The following CBLL1 variants were observed in gnomAD, a reference collection of about 807,000 sequenced individuals.
The protein encoded by CBLL1 is Cbl proto-oncogene like 1, also known as E3 ubiquitin-protein ligase Hakai.
Under a neutral mutation model 44.9 loss-of-function variants are expected in CBLL1, and 4 were observed. That is an observed-to-expected ratio of 0.09 (90% confidence interval 0.04 to 0.20). The LOEUF (loss-of-function observed/expected upper bound fraction) is 0.20. CBLL1 is among the 10% of genes least tolerant of loss of function. The pLI, the probability that CBLL1 is intolerant of heterozygous loss-of-function variation, is 1.00. For missense variants in CBLL1, 569 were observed against 636.7 expected (o/e 0.89, Z 1.14); for synonymous variants, 235 against 202.2 (o/e 1.16, Z -1.38).
In CBLL1 at chr7:107,755,499, A is replaced by G; in HGVS notation, c.440+8A>G. 1 of 1,479,222 alleles carries G rather than the reference A, an allele frequency of 6.8e-7. No homozygotes were observed. Among genetic ancestry groups the G allele is most frequent in the African/African-American group, 1.4e-5 (1 of 70,432 alleles). The allele number at this position is 1,479,222 out of a possible 1,614,324, so 91.6% of individuals were successfully genotyped here. Reference sequence around the variant, plus strand: ...AGATAAGATGTGTCCAGGGTAAGATAAGATTATCATTACCTTTTTTAAATA... The same window carrying G: ...AGATAAGATGTGTCCAGGGTAAGATGAGATTATCATTACCTTTTTTAAATA... On this transcript the variant is annotated splice_region_variant and intron_variant, in intron 5 of 5. Transcript: ENST00000440859.
At chr7:107,756,888 GAAGAA>G (rs1793550608) in intron 5 of CBLL1, among the ~76,000 whole-genome samples, 1 of 152,198 alleles carries the variant, frequency 6.6e-6, no homozygotes, top group Non-Finnish European at 1.5e-5. Flanking sequence ...ATCAGGAAGT[GAAGAA>G]ATGGCAGTCA....
chr7:107,744,333 G>T (rs1432675258), intron 1 of CBLL1, 157 bp downstream of exon 1: 3 of 955,928 alleles, frequency 3.1e-6, no homozygotes, highest in Non-Finnish European at 4.4e-6. Flanking sequence ...CCCGGCAGGG[G>T]CCTGCGGTTT....
chr7:107,750,855 A>AC (rs1267347065), intron 2 of CBLL1, among the ~76,000 whole-genome samples: 19 of 113,314 alleles, frequency 1.7e-4, no homozygotes, highest in African/African-American at 5.8e-4. Context: ...GAGTTGAGTA[A>AC]TTGTGATTGA....
chr7:107,744,503 A>G, intron 1 of CBLL1: 1 of 356,884 alleles, frequency 2.8e-6, no homozygotes, highest in South Asian at 9.9e-5. Context: ...GCTCTGGCCT[A>G]CGTTATGGAG....
chr7:107,748,253 CAT>C (rs1793105460), intron 1 of CBLL1, among the ~76,000 whole-genome samples: 1 of 152,122 alleles, frequency 6.6e-6, no homozygotes, highest in African/African-American at 2.4e-5. Flanking sequence ...AACTCAGTCA[CAT>C]GTTATAGCAC....
intron 1 of CBLL1, chr7:107,744,445 A>G (rs979933346): frequency 4.7e-6 from 2 of 426,598 alleles, no homozygotes; most frequent in African/African-American, 2.1e-5. Flanking sequence ...TGGGCGATGT[A>G]GGCCTTCGGG....
At chr7:107,748,659 A>G (rs374536769) in intron 1 of CBLL1, among the ~76,000 whole-genome samples, 100 of 152,266 alleles carry the variant, frequency 6.6e-4, no homozygotes, top group African/African-American at 2.3e-3. Context: ...ACTTTTATCA[A>G]TTTCTTAAAG....
chr7:107,749,940 T>TTTG (rs1554370382), intron 2 of CBLL1, among the ~76,000 whole-genome samples: 60,946 of 150,592 alleles, frequency 0.4, 12,673 homozygotes, highest in East Asian at 0.62. Flanking sequence ...ATATATATTT[T>TTTG]TTTGTTTGTT....
rs766630528 is a variant in CBLL1, at chr7:107,758,665, A to G, written c.963A>G (p.Glu321=). Residue 321 remains glutamate, a synonymous_variant, in exon 6 of 6, where the codon GAA becomes GAG. Transcript: ENST00000440859. The surrounding 1 kb of genome is among the most constrained non-coding windows in gnomAD (Gnocchi z 4.2). ...CAGCACCTGCTCACCATCATCCTGAATATCAGGGTCAACCAGTGGTATCGC... is the reference window on the plus strand; with the variant it reads ...CAGCACCTGCTCACCATCATCCTGAGTATCAGGGTCAACCAGTGGTATCGC... ...PAPAPAHHHP[E]YQGQPVVSHP... 1 of 1,614,058 alleles carries G rather than the reference A, an allele frequency of 6.2e-7. No homozygotes were observed. Among genetic ancestry groups the G allele is most frequent in the Admixed American group, 1.7e-5 (1 of 60,004 alleles).
At chr7:107,749,690 A>G (rs539450133) in intron 2 of CBLL1, among the ~76,000 whole-genome samples, 1 of 151,292 alleles carries the variant, frequency 6.6e-6, no homozygotes, top group South Asian at 2.1e-4. Context: ...CCAAATTTGT[A>G]GTTTTAAAGG....
In CBLL1 at chr7:107,758,777, C is replaced by T. The variant is rs765850580; in HGVS notation, c.1075C>T (p.Pro359Ser). 1 of 1,613,832 alleles carries T rather than the reference C, an allele frequency of 6.2e-7. No individual in the cohort carries two copies. Among genetic ancestry groups the T allele is most frequent in the Non-Finnish European group, 8.5e-7 (1 of 1,179,918 alleles). Reference protein sequence around the residue: ...PPISHPMPHPPQAAGTPHLVY... With the variant: ...PPISHPMPHPSQAAGTPHLVY... ...AATAAGCCATCCAATGCCACATCCT[C>T]CCCAGGCTGCAGGTACTCCTCACTT... The change falls in exon 6 of 6, where the codon CCC becomes TCC. Residue 359 changes from proline to serine, a missense_variant. Coordinates refer to ENST00000440859, the MANE Select transcript of CBLL1 (RefSeq NM_024814.4). This position sits in a 1 kb window ranked among gnomAD's most constrained non-coding sequence, Gnocchi z 4.2.
chr7:107,753,449 A>C lies in CBLL1; in HGVS notation c.220A>C (p.Lys74Gln), dbSNP rs1363881938. ...TAATGAAGAAGAACGGTATGACTGT[A>C]AAGGGGGTGAGCTGTTTGCAAATCA... Reference protein sequence around the residue: ...DYNEEERYDCKGGELFANQRR... With the variant: ...DYNEEERYDCQGGELFANQRR... Residue 74 changes from lysine to glutamine, a missense_variant, in exon 3 of 6, where the codon AAA (lysine) becomes CAA (glutamine). Physicochemically the swap from Lys to Gln is moderately conservative, Grantham distance 53. Coordinates refer to ENST00000440859, the MANE Select transcript of CBLL1 (RefSeq NM_024814.4). 1 of 1,593,188 alleles carries C rather than the reference A, an allele frequency of 6.3e-7. No homozygotes were observed. The highest frequency in any genetic ancestry group is 1.2e-5 in the South Asian group (1 of 86,316).
In CBLL1 at chr7:107,761,148, A is replaced by T. The variant is rs951253140; in HGVS notation, c.*1970A>T. 5.3e-5 allele frequency: 8 copies of T among 152,154 alleles called. No individual in the cohort carries two copies. The highest frequency in any genetic ancestry group is 1.9e-4 in the African/African-American group (8 of 41,444). 9.4% of individuals were successfully genotyped at this position (152,154 alleles called of 1,614,324 possible). ...AAAAATCCAAACCATTCTTTGTTCC[A>T]TGTAATAAGAAAATAGCCAAAATCA... On this transcript the variant is annotated 3_prime_UTR_variant, in exon 6 of 6. Transcript: ENST00000440859.
In CBLL1 at chr7:107,758,170, G is replaced by A. The variant is rs200771448; in HGVS notation, c.468G>A (p.Glu156=). Residue 156 remains glutamate, a synonymous_variant, in exon 6 of 6, where the codon GAG becomes GAA. Transcript: ENST00000440859. The surrounding 1 kb of genome is among the most constrained non-coding windows in gnomAD (Gnocchi z 4.2). ...PGCSDPVQRI[E]QCTRGSLFMC... ...GTAGTGATCCTGTGCAGCGAATTGAGCAGTGTACACGAGGTTCTCTCTTCA... is the reference window on the plus strand; with the variant it reads ...GTAGTGATCCTGTGCAGCGAATTGAACAGTGTACACGAGGTTCTCTCTTCA... 7.0e-5 allele frequency: 112 copies of A among 1,610,144 alleles called. No individual in the cohort carries two copies. The highest frequency in any genetic ancestry group is 9.2e-5 in the Non-Finnish European group (108 of 1,177,090).
intron 1 of CBLL1, among the ~76,000 whole-genome samples, chr7:107,746,950 A>G (rs1441187972): frequency 2.6e-5 from 4 of 152,176 alleles, no homozygotes; most frequent in African/African-American, 7.2e-5. Flanking sequence ...TTTAAACTAT[A>G]TGATATGGAA....
intron 2 of CBLL1, among the ~76,000 whole-genome samples, chr7:107,751,526 C>T (rs1793293133): frequency 6.6e-6 from 1 of 152,134 alleles, no homozygotes; most frequent in Non-Finnish European, 1.5e-5. Flanking sequence ...TCGTAGGGTT[C>T]CTCTGCCATC....
At chr7:107,751,001 A>G (rs972075901) in intron 2 of CBLL1, among the ~76,000 whole-genome samples, 3 of 151,860 alleles carry the variant, frequency 2.0e-5, no homozygotes, top group African/African-American at 4.8e-5. Flanking sequence ...TTCCCTCGAA[A>G]CATTGTCCCA....
chr7:107,744,522 G>C (rs1792909254), intron 1 of CBLL1: 1 of 319,490 alleles, frequency 3.1e-6, no homozygotes, highest in Non-Finnish European at 5.7e-6. Context: ...AGACTGGCGG[G>C]TAGATTGCGG....
At chr7:107,752,079 G>T (rs1793322739) in intron 2 of CBLL1, among the ~76,000 whole-genome samples, 1 of 151,610 alleles carries the variant, frequency 6.6e-6, no homozygotes, top group Admixed American at 6.6e-5. Flanking sequence ...GGTGCCTGTA[G>T]TCCCAGCTAC....
Sources: gnomAD v4.1 joint callset for allele counts (sites outside exome capture counted in the v4.1 genomes callset) on GRCh38, gnomAD v4.1.1 for gene constraint, Gnocchi (gnomAD v3.1) non-coding constraint, MANE v1.5 for transcripts, NCBI Gene and HGNC (gene_info 2026-07-23, HGNC 2026-07-21) for gene names.